SSH2: variants seen among roughly 807,000 people sequenced by gnomAD.
SSH2 encodes the protein protein phosphatase Slingshot homolog 2.
In SSH2, 37 loss-of-function variants were observed where a neutral mutation model predicts 135.2. The observed-to-expected ratio is 0.27, with a 90% CI of 0.21 to 0.36. The LOEUF (loss-of-function observed/expected upper bound fraction) is 0.36, where lower values mean the gene tolerates loss of function less well. SSH2 is among the 10% of genes least tolerant of loss of function. The pLI is 1.00. For missense variants in SSH2, 1,408 were observed against 1,765.3 expected (o/e 0.80, Z 3.63); for synonymous variants, 628 against 646.2 (o/e 0.97, Z 0.43).
chr17:29,818,948 C>T (rs541393414), intron 2 of SSH2, among the ~76,000 whole-genome samples: 1 of 152,022 alleles, frequency 6.6e-6, no homozygotes, highest in African/African-American at 2.4e-5. Context: ...CACCAGTGGC[C>T]AGGTGCAGTG....
intron 1 of SSH2, among the ~76,000 whole-genome samples, chr17:29,877,460 C>T (rs564476906): frequency 1.3e-5 from 2 of 152,266 alleles, no homozygotes; most frequent in East Asian, 3.9e-4. Context: ...TAGCCAAGAT[C>T]TGGAAGCAAC....
chr17:29,826,591 T>G (rs2042748094), intron 2 of SSH2, among the ~76,000 whole-genome samples: 1 of 152,234 alleles, frequency 6.6e-6, no homozygotes, highest in Non-Finnish European at 1.5e-5. Flanking sequence ...CTCTTTCTCT[T>G]TGACTTTGCT....
intron 1 of SSH2, among the ~76,000 whole-genome samples, chr17:29,904,367 G>A (rs1244463181): frequency 4.6e-5 from 7 of 152,042 alleles, no homozygotes; most frequent in East Asian, 1.9e-4. Context: ...CAATAAATGC[G>A]ACTCATCACA....
intron 1 of SSH2, among the ~76,000 whole-genome samples, chr17:29,919,187 G>T (rs2151483807): frequency 6.6e-6 from 1 of 152,226 alleles, no homozygotes; most frequent in Non-Finnish European, 1.5e-5. Context: ...CCCAGCAGTG[G>T]TATAAATGAG....
At position 29,744,860 on chromosome 17, in the gene SSH2, AGTGTGTGTGTGT is replaced by A. The variant is rs71689248; in HGVS notation, c.189-41810_189-41799del. 1.2e-3 allele frequency among the ~76,000 whole-genome samples: 165 copies of A among 140,538 alleles called. 1 individual carries two copies. Among genetic ancestry groups the A allele is most frequent in the African/African-American group, 3.4e-3 (124 of 36,116 alleles). The allele number at this position is 140,538 out of a possible 152,430, so 92.2% of individuals were successfully genotyped here. On this transcript the variant is annotated intron_variant, in intron 3 of 15. Transcript: ENST00000540801. ...AAGAAGTTTTGCTTTGGATTACTTGAGTGTGTGTGTGTGTGTGTGTGTGTGTGTGTGTGTGTG... is the reference window on the plus strand; with the variant it reads ...AAGAAGTTTTGCTTTGGATTACTTGAGTGTGTGTGTGTGTGTGTGTGTGTG...
At chr17:29,733,611 C>T (rs1272982550) in intron 3 of SSH2, among the ~76,000 whole-genome samples, 1 of 151,788 alleles carries the variant, frequency 6.6e-6, no homozygotes, top group East Asian at 1.9e-4. Context: ...TTACTTTCTT[C>T]TTCATATTTA....
chr17:29,709,056 A>C (rs2039343343), intron 3 of SSH2, among the ~76,000 whole-genome samples: 1 of 146,672 alleles, frequency 6.8e-6, no homozygotes, highest in African/African-American at 2.5e-5. Context: ...AGAGAGAGCT[A>C]ATAATAGCTA....
At chr17:29,740,501 CT>C (rs2040520170) in intron 3 of SSH2, among the ~76,000 whole-genome samples, 1 of 149,126 alleles carries the variant, frequency 6.7e-6, no homozygotes, top group Non-Finnish European at 1.5e-5. Flanking sequence ...CTGTTTAGAT[CT>C]GCTGGTGACA....
chr17:29,647,087 C>T (rs1488481588), intron 14 of SSH2, among the ~76,000 whole-genome samples: 2 of 151,310 alleles, frequency 1.3e-5, no homozygotes, highest in African/African-American at 4.9e-5. Context: ...ACAGTGAAAC[C>T]CCATCTCTAC....
At chr17:29,719,949 G>A (rs1018446644) in intron 3 of SSH2, among the ~76,000 whole-genome samples, 7 of 152,086 alleles carry the variant, frequency 4.6e-5, no homozygotes, top group African/African-American at 1.7e-4. Context: ...AGTAGAGATG[G>A]GGTTTCACCA....
At chr17:29,886,014 G>A (rs1476392548) in intron 1 of SSH2, among the ~76,000 whole-genome samples, 1 of 152,126 alleles carries the variant, frequency 6.6e-6, no homozygotes, top group African/African-American at 2.4e-5. Context: ...CCAGGTAGTG[G>A]GGCACTGCTA....
In SSH2 at chr17:29,802,458, G is replaced by C. The variant is rs145862904; in HGVS notation, c.145-8521C>G. Among the ~76,000 whole-genome samples, 1,128 of 151,988 alleles carry C rather than the reference G, an allele frequency of 7.4e-3. 11 individuals are homozygous for C. The highest frequency in any genetic ancestry group is 0.022 in the African/African-American group (926 of 41,466). On this transcript the variant is annotated intron_variant, in intron 2 of 15. Transcript: ENST00000540801. ...TCACAAAAGTTAATTTTTTGGCCGGGCTTGAACTAGTGGGTTTTTGTCAGA... is the reference window on the plus strand; with the variant it reads ...TCACAAAAGTTAATTTTTTGGCCGGCCTTGAACTAGTGGGTTTTTGTCAGA...
At chr17:29,785,491 A>ATTTTTTTTTTTTTTTTTTTTTTT (rs34346245) in intron 3 of SSH2, among the ~76,000 whole-genome samples, 1 of 78,496 alleles carries the variant, frequency 1.3e-5, no homozygotes, top group African/African-American at 5.3e-5. Context: ...TTGGCGTTTC[A>ATTTTTTTTTTTTTTTTTTTTTTT]TTTTTTTTTT....
At chr17:29,817,396 A>G (rs1030601256) in intron 2 of SSH2, among the ~76,000 whole-genome samples, 1 of 152,190 alleles carries the variant, frequency 6.6e-6, no homozygotes, top group Admixed American at 6.5e-5. Context: ...AAGTCTGAGA[A>G]CACTTTATTG....
intron 2 of SSH2, among the ~76,000 whole-genome samples, chr17:29,847,509 A>T (rs991050089): frequency 6.6e-6 from 1 of 152,118 alleles, no homozygotes; most frequent in Non-Finnish European, 1.5e-5. Flanking sequence ...GCTCAATAGG[A>T]GACAGTTATC....
intron 9 of SSH2, among the ~76,000 whole-genome samples, chr17:29,667,464 C>T (rs945016100): frequency 6.6e-6 from 1 of 152,196 alleles, no homozygotes; most frequent in Non-Finnish European, 1.5e-5. Flanking sequence ...CTGAACTCCG[C>T]CTCCTGTCAG....
chr17:29,650,572 TG>T, intron 13 of SSH2, 81 bp downstream of exon 13: 3 of 1,314,690 alleles, frequency 2.3e-6, no homozygotes, highest in Non-Finnish European at 3.1e-6. Context: ...ATCAGTAAGT[TG>T]TCTATAGCCC....
chr17:29,696,172 TATACAC>T (rs1285470119), intron 4 of SSH2, among the ~76,000 whole-genome samples: 23 of 116,636 alleles, frequency 2.0e-4, no homozygotes, highest in African/African-American at 4.0e-4. Context: ...TATGTATATA[TATACAC>T]ACACACACAC....
At chr17:29,673,474 G>A (rs1297630141) in intron 8 of SSH2, among the ~76,000 whole-genome samples, 1 of 152,000 alleles carries the variant, frequency 6.6e-6, no homozygotes, top group Non-Finnish European at 1.5e-5. Context: ...GGAGGCTGAG[G>A]AGGGAGAATC....
Sources: allele counts gnomAD v4.1 joint callset (sites outside exome capture counted in the v4.1 genomes callset), GRCh38; gene constraint gnomAD v4.1.1; transcripts MANE v1.5; gene names NCBI Gene and HGNC (gene_info 2026-07-23, HGNC 2026-07-21).